The following MINK1 variants were observed in gnomAD, a reference collection of about 807,000 sequenced individuals.
MINK1 encodes misshapen like kinase 1, also known as misshapen-like kinase 1.
A neutral mutation model predicts 178.4 loss-of-function variants in MINK1; 46 were observed. The ratio of observed to expected loss-of-function variants is 0.26; its 90% CI spans 0.20 to 0.33. MINK1 has a LOEUF of 0.33. Among genes scored for constraint, MINK1 ranks in the 10% least tolerant of loss-of-function variants. The probability of loss-of-function intolerance (pLI) is 1.00; values close to 1 mark genes in which losing one functional copy is unlikely to be tolerated. For synonymous variants in MINK1, 797 were observed against 709.7 expected (o/e 1.12, Z -1.96); for missense variants, 1,366 against 1,814.9 (o/e 0.75, Z 4.49).
intron 1 of MINK1, chr17:4,860,615 C>CAA: frequency 4.3e-6 from 2 of 464,346 alleles, no homozygotes; most frequent in Non-Finnish European, 8.7e-6. Context: ...GTGAGAGCTG[C>CAA]AACGGGCTCA....
intron 13 of MINK1, 50 bp from the exon 14 acceptor site, chr17:4,890,467 C>T: frequency 6.5e-7 from 1 of 1,542,058 alleles, no homozygotes; most frequent in Non-Finnish European, 8.8e-7. Flanking sequence ...CCTGCTCTAA[C>T]TCCCAGGGCC....
intron 1 of MINK1, among the ~76,000 whole-genome samples, chr17:4,863,623 C>G (rs1914513134): frequency 1.3e-5 from 2 of 152,082 alleles, no homozygotes; most frequent in Admixed American, 1.3e-4. Flanking sequence ...TCTACCACTT[C>G]CTAGCCTGGG....
chr17:4,859,966 C>T (rs1464758073), intron 1 of MINK1, among the ~76,000 whole-genome samples: 2 of 150,150 alleles, frequency 1.3e-5, no homozygotes, highest in Admixed American at 1.3e-4. Context: ...GGAAGGGGCG[C>T]GTCCGGGAAC....
At chr17:4,861,044 T>A (rs1914091512) in intron 1 of MINK1, among the ~76,000 whole-genome samples, 1 of 152,144 alleles carries the variant, frequency 6.6e-6, no homozygotes, top group Non-Finnish European at 1.5e-5. Flanking sequence ...CTGAAAAGCT[T>A]TCCTTGAGCA....
intron 1 of MINK1, among the ~76,000 whole-genome samples, chr17:4,865,884 G>A (rs1440158467): frequency 1.3e-5 from 2 of 151,910 alleles, no homozygotes; most frequent in Non-Finnish European, 2.9e-5. Flanking sequence ...GACAGAGTGA[G>A]AACCTGTCTC....
Position 4,833,380 on chromosome 17 carries a change from G to T in MINK1, c.-204G>T. The T allele has an allele frequency of 1.9e-6, 1 of 521,212 alleles. No homozygotes were observed. The allele number at this position is 521,212 out of a possible 1,614,324, so 32.3% of individuals were successfully genotyped here. On this transcript the variant is annotated 5_prime_UTR_variant, in exon 1 of 32. Coordinates refer to ENST00000355280, the MANE Select transcript of MINK1 (RefSeq NM_153827.5). The surrounding 1 kb of genome is among the most constrained non-coding windows in gnomAD (Gnocchi z 4.8). ...CGCGCCTGCGCAGGAGAGGTGGTAGGCTCGGGTGGCTGGCTCCGGGGAGAT... is the reference window on the plus strand; with the variant it reads ...CGCGCCTGCGCAGGAGAGGTGGTAGTCTCGGGTGGCTGGCTCCGGGGAGAT...
At chr17:4,838,414 C>T (rs1909625463) in intron 1 of MINK1, among the ~76,000 whole-genome samples, 1 of 152,144 alleles carries the variant, frequency 6.6e-6, no homozygotes, top group South Asian at 2.1e-4. Flanking sequence ...CCAGCTGGCC[C>T]ACCCCCTCAC....
intron 1 of MINK1, among the ~76,000 whole-genome samples, chr17:4,870,238 A>T: frequency 1.1e-4 from 10 of 94,526 alleles, no homozygotes; most frequent in African/African-American, 1.7e-4. Flanking sequence ...TTTTTTTGAG[A>T]CTGTTTTATT....
chr17:4,887,615 G>A lies in MINK1; in HGVS notation c.1055G>A (p.Arg352His). 1 of 1,563,894 alleles carries A rather than the reference G, an allele frequency of 6.4e-7. No homozygotes were observed. Among genetic ancestry groups the A allele is most frequent in the Non-Finnish European group, 8.6e-7 (1 of 1,156,534 alleles). The change falls in exon 12 of 32, where the codon CGC (arginine) becomes CAC (histidine). Residue 352 changes from arginine to histidine, a missense_variant. Arg to His is a conservative substitution (Grantham distance 29, BLOSUM62 0). Around this residue, in one of 14 missense-constraint regions of MINK1, gnomAD observed 56 missense variants for 64.0 expected, o/e 0.87. Transcript: ENST00000355280. This position sits in a 1 kb window ranked among gnomAD's most constrained non-coding sequence, Gnocchi z 7.6. Reference sequence around the variant, plus strand: ...AACGTGCCTGGAGAGTCGACTCTACGCCGGGAGTTTCTCCGGCTCCAGCAG... The same window carrying A: ...AACGTGCCTGGAGAGTCGACTCTACACCGGGAGTTTCTCCGGCTCCAGCAG... ...IMNVPGESTLRREFLRLQQEN... is the reference protein window; with the variant it reads ...IMNVPGESTLHREFLRLQQEN...
At chr17:4,839,405 A>T (rs1467359867) in intron 1 of MINK1, among the ~76,000 whole-genome samples, 2 of 152,134 alleles carry the variant, frequency 1.3e-5, no homozygotes, top group East Asian at 3.9e-4. Context: ...TTCGACACCT[A>T]CTTTTTACTA....
rs200248151 is a variant in MINK1 at position 4,884,336 on chromosome 17, C to T, written c.307-27C>T. The T allele has an allele frequency of 1.8e-5, 29 of 1,593,522 alleles. No individual in the cohort carries two copies. In the African/African-American group the frequency reaches 3.4e-4, roughly 18 times the overall value. On this transcript the variant is annotated intron_variant, in intron 4 of 31. Transcript: ENST00000355280. ...GAGGGCTTGTCTGACTGATACTTTT[C>T]CTTTCGGTACCTTCCTGGGATCCTA... is the stretch of plus-strand genomic sequence containing the variant.
Position 4,894,686 on chromosome 17 carries a change from G to T in MINK1, c.2917+53G>T. 1 of 1,401,406 alleles carries T rather than the reference G, an allele frequency of 7.1e-7. No individual in the cohort carries two copies. The highest frequency in any genetic ancestry group is 9.9e-7 in the Non-Finnish European group (1 of 1,006,162). 86.8% of individuals were successfully genotyped at this position (1,401,406 alleles called of 1,614,324 possible). A position where few individuals can be genotyped will look rare whatever the true frequency, so the allele number is the denominator to read the frequency against. ...GAGGCCAGGGTCCAGGGGCAGCCTGGAGGGGAGCACAGTGGTCTTGAGACG... is the reference window on the plus strand; with the variant it reads ...GAGGCCAGGGTCCAGGGGCAGCCTGTAGGGGAGCACAGTGGTCTTGAGACG... On this transcript the variant is annotated intron_variant, in intron 24 of 31. Coordinates refer to ENST00000355280, the MANE Select transcript of MINK1 (RefSeq NM_153827.5). This position sits in a 1 kb window ranked among gnomAD's most constrained non-coding sequence, Gnocchi z 4.1.
chr17:4,881,285 C>G (rs1417832258), intron 4 of MINK1, 28 bp downstream of exon 4: 1 of 1,534,414 alleles, frequency 6.5e-7, no homozygotes, highest in East Asian at 2.4e-5. Flanking sequence ...GCCCGCCTTC[C>G]CTCCCCGCAA....
chr17:4,861,495 A>G (rs1914161852), intron 1 of MINK1, among the ~76,000 whole-genome samples: 1 of 151,890 alleles, frequency 6.6e-6, no homozygotes, highest in Admixed American at 6.6e-5. Flanking sequence ...CATCAACCAA[A>G]GGTTTTTATT....
intron 1 of MINK1, among the ~76,000 whole-genome samples, chr17:4,868,508 A>G (rs973690199): frequency 2.6e-5 from 4 of 152,048 alleles, no homozygotes; most frequent in Admixed American, 6.6e-5. Context: ...GAGTCCATGT[A>G]ATGTCTGTCT....
chr17:4,876,077 G>A (rs543277302), intron 1 of MINK1, among the ~76,000 whole-genome samples: 108 of 152,096 alleles, frequency 7.1e-4, no homozygotes, highest in Non-Finnish European at 1.1e-3. Flanking sequence ...TTACAGGCGT[G>A]AGCCACCGCG....
chr17:4,866,834 G>A (rs1242307686), intron 1 of MINK1, among the ~76,000 whole-genome samples: 1 of 152,000 alleles, frequency 6.6e-6, no homozygotes, highest in East Asian at 1.9e-4. Flanking sequence ...AGCACTTCGG[G>A]AGGCCGAGGC....
chr17:4,889,728 C>A lies in MINK1; in HGVS notation c.1312C>A (p.Arg438=). ...GCTGGAGGACATGCAGGCTCTGCGGCGGGAGGAGGAGCGGCGGCAGGCGGA... is the reference window on the plus strand; with the variant it reads ...GCTGGAGGACATGCAGGCTCTGCGGAGGGAGGAGGAGCGGCGGCAGGCGGA... ...RRLEDMQALR[R]EEERRQAERE... The change falls in exon 13 of 32, where the codon CGG becomes AGG. Residue 438 remains arginine, a synonymous_variant. Coordinates refer to ENST00000355280, the MANE Select transcript of MINK1 (RefSeq NM_153827.5). The A allele has an allele frequency of 6.5e-7, 1 of 1,549,914 alleles. No individual in the cohort carries two copies.
intron 1 of MINK1, chr17:4,857,163 G>A (rs2150855961): frequency 1.4e-5 from 4 of 281,472 alleles, no homozygotes; most frequent in East Asian, 1.2e-4. Context: ...GGGGACAGCC[G>A]CCACTAGGCC....
Sources: allele counts gnomAD v4.1 joint callset (sites outside exome capture counted in the v4.1 genomes callset), GRCh38; gene constraint gnomAD v4.1.1; regional missense constraint gnomAD v4.1.1; non-coding constraint Gnocchi (gnomAD v3.1); transcripts MANE v1.5; gene names NCBI Gene and HGNC (gene_info 2026-07-23, HGNC 2026-07-21).